The following PCDHGA11 variants were observed in gnomAD, a reference collection of about 807,000 sequenced individuals.
PCDHGA11 encodes the protein protocadherin gamma subfamily A, 11.
Under a neutral mutation model 60.4 loss-of-function variants are expected in PCDHGA11, and 39 were observed. The ratio of observed to expected loss-of-function variants is 0.65; its 90% CI spans 0.50 to 0.84. The LOEUF (loss-of-function observed/expected upper bound fraction) is 0.84. Among genes scored for constraint, PCDHGA11 ranks in the 40% least tolerant of loss-of-function variants. The probability of loss-of-function intolerance (pLI) is 0.00; values close to 1 mark genes in which losing one functional copy is unlikely to be tolerated. For synonymous variants in PCDHGA11, 533 were observed against 510.3 expected, an observed-to-expected ratio of 1.04 and a Z score of -0.60; for missense variants, 1,165 against 1,197.7, an observed-to-expected ratio of 0.97 and a Z score of 0.40.
chr5:141,430,151 A>T (rs774490087), intron 1 of PCDHGA11, among the ~76,000 whole-genome samples: 8 of 152,166 alleles, frequency 5.3e-5, no homozygotes, highest in Non-Finnish European at 8.8e-5. Flanking sequence ...GGATCATTCA[A>T]GGAATCTATT....
rs1219669838 is a variant in PCDHGA11, at chr5:141,421,873, T to G, written c.646T>G (p.Leu216Val). Residue 216 changes from leucine (L) to valine (V), a missense_variant, in exon 1 of 4, where the codon TTA (leucine) becomes GTA (valine). By Grantham distance (32) the Leu-to-Val change is conservative. Transcript: ENST00000398587. ...EAAHLLLLTA[L>V]DGGDPIRKGA... ...TGCTCACCTGCTCCTCCTCACAGCTTTAGATGGAGGCGATCCCATCCGAAA... is the reference window on the plus strand; with the variant it reads ...TGCTCACCTGCTCCTCCTCACAGCTGTAGATGGAGGCGATCCCATCCGAAA... 1.9e-6 allele frequency: 3 copies of G among 1,613,592 alleles called. No homozygotes were observed. The highest frequency in any genetic ancestry group is 2.5e-6 in the Non-Finnish European group (3 of 1,179,884).
At chr5:141,433,828 ACT>A (rs1431945413) in intron 1 of PCDHGA11, among the ~76,000 whole-genome samples, 2 of 142,254 alleles carry the variant, frequency 1.4e-5, no homozygotes, top group Admixed American at 7.0e-5. Flanking sequence ...CAAGAGTGAA[ACT>A]CTATCTCAAA....
chr5:141,430,761 T>G, intron 1 of PCDHGA11: 5 of 1,506,132 alleles, frequency 3.3e-6, no homozygotes, highest in Non-Finnish European at 3.5e-6. Context: ...AAGATAAGAA[T>G]GATTCCTGCG....
At chr5:141,509,376 C>A (rs2099876528) in intron 3 of PCDHGA11, among the ~76,000 whole-genome samples, 1 of 152,122 alleles carries the variant, frequency 6.6e-6, no homozygotes, top group African/African-American at 2.4e-5. Flanking sequence ...TTAACTGTCT[C>A]CTAACCACAG....
chr5:141,422,513 G>T lies in PCDHGA11; in HGVS notation c.1286G>T (p.Gly429Val). 1.2e-6 allele frequency: 2 copies of T among 1,614,000 alleles called. No homozygotes were observed. Among genetic ancestry groups the T allele is most frequent in the Non-Finnish European group, 1.7e-6 (2 of 1,179,888 alleles). The stretch of plus-strand genomic sequence containing the variant: ...ATAACGTTGACAGCCACAGACCAGG[G>T]AAGCCCGCCTTTGTCTGCAGAAACT... ...YNITLTATDQ[G>V]SPPLSAETHV... The change falls in exon 1 of 4, where the codon GGA becomes GTA. Residue 429 changes from glycine (G) to valine (V), a missense_variant. Physicochemically the swap from Gly to Val is moderately radical, Grantham distance 109. Transcript: ENST00000398587.
chr5:141,433,098 T>G, intron 1 of PCDHGA11: 1 of 1,614,204 alleles, frequency 6.2e-7, no homozygotes, highest in Non-Finnish European at 8.5e-7. Context: ...GACATGCTCG[T>G]CAGCCAGGAG....
intron 1 of PCDHGA11, among the ~76,000 whole-genome samples, chr5:141,443,829 A>G (rs1387307023): frequency 6.6e-6 from 1 of 152,228 alleles, no homozygotes; most frequent in Non-Finnish European, 1.5e-5. Flanking sequence ...ATAATTAGGT[A>G]AAATGGGTAA....
At chr5:141,446,669 C>T (rs554578186) in intron 1 of PCDHGA11, among the ~76,000 whole-genome samples, 2 of 152,182 alleles carry the variant, frequency 1.3e-5, no homozygotes, top group Admixed American at 1.3e-4. Flanking sequence ...TACAAGACAG[C>T]ATTTCACCAT....
intron 1 of PCDHGA11, chr5:141,428,003 C>A (rs1175875944): frequency 2.5e-6 from 4 of 1,601,244 alleles, no homozygotes; most frequent in Non-Finnish European, 3.4e-6. Context: ...CCGCACTCTT[C>A]GATATAGTGC....
intron 1 of PCDHGA11, among the ~76,000 whole-genome samples, chr5:141,456,538 A>T (rs1010588747): frequency 7.2e-5 from 11 of 152,184 alleles, no homozygotes; most frequent in Admixed American, 3.3e-4. Context: ...TTAAAGAGGG[A>T]TTGTAGCCAC....
At chr5:141,503,325 G>A (rs1002520312) in intron 2 of PCDHGA11, among the ~76,000 whole-genome samples, 10 of 152,104 alleles carry the variant, frequency 6.6e-5, no homozygotes, top group East Asian at 1.9e-4. Flanking sequence ...GGAGGGGCGC[G>A]GTGGCTCACG....
rs144585584 is a variant in PCDHGA11 at position 141,478,339 on chromosome 5, C to T, written c.2434-16468C>T. 998 of 1,613,918 alleles carry T rather than the reference C, an allele frequency of 6.2e-4. 16 individuals carry two copies. In the East Asian group the frequency reaches 0.019, roughly 31 times the overall value. Reference sequence around the variant, plus strand: ...CACTGTACCGAACACCAGGGCCCTCCTTGCACGCGGACGCCGTGCGGGGAG... The same window carrying T: ...CACTGTACCGAACACCAGGGCCCTCTTTGCACGCGGACGCCGTGCGGGGAG... On this transcript the variant is annotated intron_variant, in intron 1 of 3. Transcript: ENST00000398587.
chr5:141,501,130 G>C (rs528942194), intron 2 of PCDHGA11, among the ~76,000 whole-genome samples: 1 of 152,218 alleles, frequency 6.6e-6, no homozygotes, highest in South Asian at 2.1e-4. Flanking sequence ...GCCTCCCTAA[G>C]TGCTGGGATT....
rs747671382 is a variant in PCDHGA11 at position 141,444,152 on chromosome 5, A to ATTTTTTTTTT, written c.2433+20519_2433+20528dup. 1.8e-4 allele frequency among the ~76,000 whole-genome samples: 6 copies of ATTTTTTTTTT among 33,898 alleles called. 2 individuals are homozygous for ATTTTTTTTTT. Among genetic ancestry groups the ATTTTTTTTTT allele is most frequent in the Non-Finnish European group, 3.1e-4 (6 of 19,312 alleles). The allele number at this position is 33,898 out of a possible 152,430, so 22.2% of individuals were successfully genotyped here. A position where few individuals can be genotyped will look rare whatever the true frequency, so the allele number is the denominator to read the frequency against. On this transcript the variant is annotated intron_variant, in intron 1 of 3. Coordinates refer to ENST00000398587, the MANE Select transcript of PCDHGA11 (RefSeq NM_018914.3). ...GATATGTGTCACTTGTGTGTACTGG[A>ATTTTTTTTTT]TTTTTTTTTTTTTTTTTTTTTTTTT...
At chr5:141,451,557 G>T (rs192150041) in intron 1 of PCDHGA11, among the ~76,000 whole-genome samples, 2 of 152,234 alleles carry the variant, frequency 1.3e-5, no homozygotes, top group East Asian at 3.9e-4. Context: ...TGTGATGAAA[G>T]CCACAATCTT....
chr5:141,487,802 C>G lies in PCDHGA11; in HGVS notation c.2434-7005C>G. On this transcript the variant is annotated intron_variant, in intron 1 of 3. Transcript: ENST00000398587. The surrounding 1 kb of genome is among the most constrained non-coding windows in gnomAD (Gnocchi z 5.0). ...TTTCGTGAATTAACCAGAGTTGTCACAGTTTAGCATTGGGGGCGGGTCATG... is the reference window on the plus strand; with the variant it reads ...TTTCGTGAATTAACCAGAGTTGTCAGAGTTTAGCATTGGGGGCGGGTCATG... 6.8e-7 allele frequency: 1 copy of G among 1,477,424 alleles called. No homozygotes were observed. The allele number at this position is 1,477,424 out of a possible 1,614,324, so 91.5% of individuals were successfully genotyped here.
Position 141,486,589 on chromosome 5 carries a change from C to T in PCDHGA11, c.2434-8218C>T. On this transcript the variant is annotated intron_variant, in intron 1 of 3. Transcript: ENST00000398587. The surrounding 1 kb of genome is among the most constrained non-coding windows in gnomAD (Gnocchi z 5.0). ...TTCCTGAGAACAATCGCCCAGGGGA[C>T]CTGCTTTGCTCCCTTGCAGCCTCTG... 1 of 1,613,676 alleles carries T rather than the reference C, an allele frequency of 6.2e-7. No individual in the cohort carries two copies. Among genetic ancestry groups the T allele is most frequent in the African/African-American group, 1.3e-5 (1 of 75,064 alleles).
At chr5:141,425,521 C>A (rs2096880944) in intron 1 of PCDHGA11, among the ~76,000 whole-genome samples, 1 of 152,210 alleles carries the variant, frequency 6.6e-6, no homozygotes, top group Non-Finnish European at 1.5e-5. Flanking sequence ...TATGATGAAA[C>A]ATGAAACAAT....
intron 1 of PCDHGA11, among the ~76,000 whole-genome samples, chr5:141,457,440 A>C (rs188608086): frequency 1.3e-5 from 2 of 152,334 alleles, no homozygotes; most frequent in African/African-American, 4.8e-5. Flanking sequence ...ACCAAGCTGC[A>C]GAAGATCACC....
Sources: allele counts gnomAD v4.1 joint callset (sites outside exome capture counted in the v4.1 genomes callset), GRCh38; gene constraint gnomAD v4.1.1; non-coding constraint Gnocchi (gnomAD v3.1); transcripts MANE v1.5; gene names NCBI Gene and HGNC (gene_info 2026-07-23, HGNC 2026-07-21).